Variants in DNAH12 observed in about 807,000 individuals in gnomAD.
DNAH12 encodes dynein axonemal heavy chain 12.
DNAH12 carries 285 observed loss-of-function variants against 371.5 expected under a neutral mutation model. The observed-to-expected ratio is 0.77, with a 90% confidence interval of 0.70 to 0.85. The LOEUF (loss-of-function observed/expected upper bound fraction) is 0.85. Ranked by LOEUF, DNAH12 falls within the 40% of genes least tolerant of loss-of-function variation. DNAH12 has a pLI of 0.00. For missense variants in DNAH12, 3,611 were observed against 3,689.4 expected (o/e 0.98, Z 0.55); for synonymous variants, 1,200 against 1,213.0 (o/e 0.99, Z 0.22).
intron 33 of DNAH12, 81 bp from the exon 34 acceptor site, chr3:57,428,902 C>T: frequency 4.5e-6 from 6 of 1,330,768 alleles, no homozygotes; most frequent in Non-Finnish European, 6.0e-6. Context: ...CTTAAGATGA[C>T]TTATGAGATC....
chr3:57,318,858 T>C (rs1428876088), intron 65 of DNAH12, among the ~76,000 whole-genome samples: 1 of 152,012 alleles, frequency 6.6e-6, no homozygotes, highest in Non-Finnish European at 1.5e-5. Flanking sequence ...TCAACATTGG[T>C]TTGGCCATTT....
intron 25 of DNAH12, among the ~76,000 whole-genome samples, chr3:57,449,657 C>G (rs1182962766): frequency 6.6e-6 from 1 of 152,202 alleles, no homozygotes. Flanking sequence ...GCCCGCCAAG[C>G]CCACGCCCAC....
At chr3:57,346,362 T>A (rs546823264) in intron 60 of DNAH12, among the ~76,000 whole-genome samples, 10 of 152,114 alleles carry the variant, frequency 6.6e-5, no homozygotes, top group African/African-American at 9.7e-5. Context: ...ATAGTGTTAT[T>A]TGAATGAGGA....
chr3:57,343,828 C>A (rs1467031282), intron 60 of DNAH12, among the ~76,000 whole-genome samples: 4 of 152,174 alleles, frequency 2.6e-5, no homozygotes, highest in African/African-American at 9.7e-5. Context: ...AGCAATGCTA[C>A]CTTGTTATTC....
chr3:57,322,170 T>C, intron 65 of DNAH12, among the ~76,000 whole-genome samples, 173 bp downstream of exon 65: 1 of 152,244 alleles, frequency 6.6e-6, no homozygotes, highest in East Asian at 1.9e-4. Context: ...ACACAAACTA[T>C]ATTGAATAAA....
the DNAH12 span, among the ~76,000 whole-genome samples, chr3:57,555,998 T>C: frequency 6.6e-6 from 1 of 152,160 alleles, no homozygotes; most frequent in African/African-American, 2.4e-5. Flanking sequence ...CCAAGACAGG[T>C]GTCCACCTCC....
At chr3:57,489,474 A>G (rs1320074045) in intron 12 of DNAH12, 35 bp downstream of exon 12, 11 of 1,468,620 alleles carry the variant, frequency 7.5e-6, no homozygotes, top group Non-Finnish European at 9.0e-6. Context: ...TCTTTTAGCC[A>G]TATAATTCTG....
At chr3:57,343,062 ACT>A (rs1308249518) in intron 60 of DNAH12, among the ~76,000 whole-genome samples, 1 of 150,098 alleles carries the variant, frequency 6.7e-6, no homozygotes, top group African/African-American at 2.5e-5. Context: ...ACAGAGTGAG[ACT>A]CTGTCTCAAA....
intron 62 of DNAH12, among the ~76,000 whole-genome samples, chr3:57,327,750 A>G (rs2061985711): frequency 6.6e-6 from 1 of 152,176 alleles, no homozygotes; most frequent in African/African-American, 2.4e-5. Flanking sequence ...AAAACCCTTC[A>G]AAAAATTAAT....
chr3:57,395,486 T>C lies in DNAH12; in HGVS notation c.6949-1154A>G, dbSNP rs2063718221. 2.0e-5 allele frequency among the ~76,000 whole-genome samples: 3 copies of C among 152,324 alleles called. No individual in the cohort carries two copies. In the South Asian group the frequency reaches 6.2e-4, roughly 32 times the overall value. On this transcript the variant is annotated intron_variant, in intron 43 of 73. Transcript: ENST00000495027. ...ATAAAATAAATGGTGGATTTTTATA[T>C]TGTACACAAAAACAACTATGTCCTT... is the stretch of plus-strand genomic sequence containing the variant.
At chr3:57,345,930 A>G (rs555403176) in intron 60 of DNAH12, among the ~76,000 whole-genome samples, 32 of 152,236 alleles carry the variant, frequency 2.1e-4, no homozygotes, top group Admixed American at 1.7e-3. Flanking sequence ...AAATCTTCAG[A>G]AATTTTTCCA....
chr3:57,466,628 C>T (rs2066210521), intron 17 of DNAH12, among the ~76,000 whole-genome samples: 1 of 152,146 alleles, frequency 6.6e-6, no homozygotes, highest in Non-Finnish European at 1.5e-5. Flanking sequence ...TCAAGGTATG[C>T]CACTGCCAAG....
At chr3:57,369,050 A>T (rs1008610484) in intron 55 of DNAH12, among the ~76,000 whole-genome samples, 11 of 151,678 alleles carry the variant, frequency 7.3e-5, no homozygotes, top group African/African-American at 2.7e-4. Flanking sequence ...CTACTAAAAA[A>T]AAAGTAAATA....
Position 57,542,765 on chromosome 3 carries a change from T to C in DNAH12, c.106A>G (p.Thr36Ala), listed in dbSNP as rs770049842. The change falls in exon 2 of 74, where the codon ACA (threonine) becomes GCA (alanine). Residue 36 changes from threonine to alanine, a missense_variant. Thr to Ala is a moderately conservative substitution (Grantham distance 58). Around this residue, in one of 3 missense-constraint regions of DNAH12, gnomAD observed 1,314 missense variants for 1,398.7 expected, o/e 0.94. Coordinates refer to ENST00000495027, the MANE Select transcript of DNAH12 (RefSeq NM_001366028.2). ...LPENIGVDTP[T>A]QSKLLKYRRS... ...CTGTATTTTAGCAGCTTACTTTGTG[T>C]TGGTGTATCAACGCCTATGTTTTCT... 3 of 1,612,686 alleles carry C rather than the reference T, an allele frequency of 1.9e-6. No homozygotes were observed.
chr3:57,326,778 A>G (rs1477896657), intron 62 of DNAH12, among the ~76,000 whole-genome samples: 1 of 152,234 alleles, frequency 6.6e-6, no homozygotes, highest in Admixed American at 6.5e-5. Flanking sequence ...TTGGATAAAG[A>G]GTCAAGACCC....
At position 57,446,285 on chromosome 3, in the gene DNAH12, A is replaced by G; in HGVS notation, c.3940-15T>C. 6.5e-7 allele frequency: 1 copy of G among 1,542,016 alleles called. No homozygotes were observed. Among genetic ancestry groups the G allele is most frequent in the Admixed American group, 2.0e-5 (1 of 49,728 alleles). Reference sequence around the variant, plus strand: ...CCTTTAAAAAACTAAGGACAAAGAAAAAGGAAAGTGATTTTTTTCTCAGGA... The same window carrying G: ...CCTTTAAAAAACTAAGGACAAAGAAGAAGGAAAGTGATTTTTTTCTCAGGA... On this transcript the variant is annotated splice_polypyrimidine_tract_variant and intron_variant, in intron 26 of 73. Transcript: ENST00000495027.
chr3:57,327,044 A>C (rs35878594), intron 62 of DNAH12, among the ~76,000 whole-genome samples: 48,082 of 150,818 alleles, frequency 0.32, 8,440 homozygotes, highest in African/African-American at 0.46. Flanking sequence ...ATACAGGAGC[A>C]CCCAGATTCA....
At chr3:57,412,368 G>A (rs546020427) in intron 39 of DNAH12, among the ~76,000 whole-genome samples, 2 of 152,278 alleles carry the variant, frequency 1.3e-5, no homozygotes, top group Admixed American at 1.3e-4. Flanking sequence ...AGATAGCAAA[G>A]GAGTAAACCT....
chr3:57,418,400 C>T (rs2064453008), intron 37 of DNAH12, among the ~76,000 whole-genome samples: 2 of 131,740 alleles, frequency 1.5e-5, no homozygotes, highest in Admixed American at 8.2e-5. Flanking sequence ...AAAAGCCAGG[C>T]ATAGTGGTGC....
Sources: gnomAD v4.1 joint callset for allele counts (sites outside exome capture counted in the v4.1 genomes callset) on GRCh38, gnomAD v4.1.1 for gene constraint, gnomAD v4.1.1 regional missense constraint, MANE v1.5 for transcripts, NCBI Gene and HGNC (gene_info 2026-07-23, HGNC 2026-07-21) for gene names.